The following CAMK2A variants were observed in gnomAD, a reference collection of about 807,000 sequenced individuals.
CAMK2A encodes calcium/calmodulin-dependent protein kinase type II subunit alpha.
A neutral mutation model predicts 79.2 loss-of-function variants in CAMK2A; 7 were observed. The observed-to-expected ratio is 0.09, with a 90% CI of 0.05 to 0.17. CAMK2A has a LOEUF of 0.17. Ranked by LOEUF, CAMK2A falls within the 10% of genes least tolerant of loss-of-function variation. The pLI, the probability that CAMK2A is intolerant of heterozygous loss-of-function variation, is 1.00. For missense variants in CAMK2A, 214 were observed against 646.4 expected (o/e 0.33, Z 7.25); for synonymous variants, 242 against 251.7 (o/e 0.96, Z 0.36).
chr5:150,286,567 G>A (rs1451371558), intron 1 of CAMK2A, among the ~76,000 whole-genome samples: 1 of 152,224 alleles, frequency 6.6e-6, no homozygotes, highest in East Asian at 1.9e-4. Context: ...GCCCTTTTAG[G>A]GCCAACCTGG....
At chr5:150,257,870 G>T (rs1332265872) in intron 3 of CAMK2A, among the ~76,000 whole-genome samples, 1 of 152,230 alleles carries the variant, frequency 6.6e-6, no homozygotes, top group Non-Finnish European at 1.5e-5. Flanking sequence ...AGAGTTTAGC[G>T]CCCTCCCCTC....
At chr5:150,238,621 G>T in intron 15 of CAMK2A, 79 bp downstream of exon 15, 2 of 1,349,896 alleles carry the variant, frequency 1.5e-6, no homozygotes, top group South Asian at 2.5e-5. Context: ...TGGCACGTGG[G>T]AGCTGTCAGG....
chr5:150,236,650 T>A (rs937302420), intron 15 of CAMK2A, among the ~76,000 whole-genome samples: 3 of 152,158 alleles, frequency 2.0e-5, no homozygotes, highest in African/African-American at 7.2e-5. Context: ...GCTATATCTA[T>A]CCAGTCTCCT....
chr5:150,254,957 G>A (rs961008086), intron 6 of CAMK2A, among the ~76,000 whole-genome samples: 57 of 152,238 alleles, frequency 3.7e-4, no homozygotes, highest in Non-Finnish European at 2.8e-4. Context: ...TTCCCAGTGG[G>A]ACTTCTGAAG....
chr5:150,226,692 G>C (rs1208541198), intron 17 of CAMK2A, among the ~76,000 whole-genome samples: 1 of 120,832 alleles, frequency 8.3e-6, no homozygotes, highest in Non-Finnish European at 1.7e-5. Context: ...AGCCAAGATC[G>C]TGCCACTGCA....
chr5:150,257,250 T>C (rs1489198055), intron 4 of CAMK2A, among the ~76,000 whole-genome samples: 1 of 152,086 alleles, frequency 6.6e-6, no homozygotes, highest in East Asian at 1.9e-4. Flanking sequence ...CATTATTGCT[T>C]CTCTTTGAAT....
In CAMK2A at chr5:150,281,673, C is replaced by T. The variant is rs76882946; in HGVS notation, c.62+7891G>A. Among the ~76,000 whole-genome samples the T allele has an allele frequency of 8.5e-3, 1,294 of 152,250 alleles. 16 individuals are homozygous for T. The highest frequency in any genetic ancestry group is 0.03 in the African/African-American group (1,226 of 41,528). On this transcript the variant is annotated intron_variant, in intron 1 of 18. Transcript: ENST00000671881. ...CATAGTTGGGCTTGGAGTAGGAGGA[C>T]CTGTGGAAAATAGCAGCATTCTGCG...
rs767524503 is a variant in CAMK2A, at chr5:150,221,093, C to T, written c.*1617G>A. On this transcript the variant is annotated 3_prime_UTR_variant, in exon 19 of 19. Transcript: ENST00000671881. The stretch of plus-strand genomic sequence containing the variant: ...GCACAGAGAGGCAGCAACATAATTC[C>T]GAGTCGGACACTGAGAATACAACCT... 31 of 176,538 alleles carry T rather than the reference C, an allele frequency of 1.8e-4. No homozygotes were observed. The highest frequency in any genetic ancestry group is 6.8e-4 in the African/African-American group (29 of 42,494). The allele number at this position is 176,538 out of a possible 1,614,324, so 10.9% of individuals were successfully genotyped here.
intron 15 of CAMK2A, among the ~76,000 whole-genome samples, chr5:150,234,940 T>TA (rs1755000431): frequency 1.3e-5 from 2 of 152,360 alleles, no homozygotes; most frequent in South Asian, 4.1e-4. Flanking sequence ...CCCCAGCCTC[T>TA]ATGCCTAGTC....
At chr5:150,281,419 G>A (rs1757211222) in intron 1 of CAMK2A, among the ~76,000 whole-genome samples, 1 of 152,220 alleles carries the variant, frequency 6.6e-6, no homozygotes, top group African/African-American at 2.4e-5. Flanking sequence ...AGAAAGAGCT[G>A]GGGTTGGCCA....
chr5:150,242,748 C>A (rs1755404239), intron 13 of CAMK2A, among the ~76,000 whole-genome samples: 1 of 152,206 alleles, frequency 6.6e-6, no homozygotes, highest in Non-Finnish European at 1.5e-5. Flanking sequence ...TTCAATCGTA[C>A]TGAAAATGCA....
chr5:150,253,759 A>T (rs1379085322), intron 6 of CAMK2A, among the ~76,000 whole-genome samples: 3 of 152,190 alleles, frequency 2.0e-5, no homozygotes, highest in Non-Finnish European at 4.4e-5. Flanking sequence ...CCGCTACAAC[A>T]GAAAGGCCCT....
chr5:150,270,671 G>A (rs995533653), intron 2 of CAMK2A, among the ~76,000 whole-genome samples: 5 of 152,092 alleles, frequency 3.3e-5, no homozygotes, highest in African/African-American at 7.2e-5. Context: ...CTCCCGCTGG[G>A]AAGAAAAGCG....
chr5:150,242,621 T>C (rs1241518166), intron 13 of CAMK2A, among the ~76,000 whole-genome samples: 1 of 152,136 alleles, frequency 6.6e-6, no homozygotes, highest in African/African-American at 2.4e-5. Context: ...ACCAGGCCCC[T>C]GCAAAGAACT....
chr5:150,229,264 A>G (rs1189408167), intron 16 of CAMK2A, among the ~76,000 whole-genome samples: 2 of 152,114 alleles, frequency 1.3e-5, no homozygotes, highest in African/African-American at 4.8e-5. Context: ...CATGACCCCA[A>G]ATTCTCCAGA....
intron 10 of CAMK2A, 58 bp from the exon 11 acceptor site, chr5:150,250,367 C>A: frequency 7.2e-7 from 1 of 1,397,806 alleles, no homozygotes; most frequent in Non-Finnish European, 1.0e-6. Flanking sequence ...ACAGGCCCAC[C>A]CAAGGGTACC....
At chr5:150,260,239 G>A (rs1756245341) in intron 3 of CAMK2A, among the ~76,000 whole-genome samples, 1 of 152,040 alleles carries the variant, frequency 6.6e-6, no homozygotes, top group Non-Finnish European at 1.5e-5. Flanking sequence ...GGTGGAACAC[G>A]AGGTCAGGAG....
chr5:150,228,057 C>T, intron 17 of CAMK2A, 135 bp downstream of exon 17: 1 of 663,692 alleles, frequency 1.5e-6, no homozygotes, highest in Admixed American at 2.9e-5. Context: ...GTACCAACCC[C>T]AGTCCACACG....
chr5:150,269,877 C>A (rs1756665659), intron 2 of CAMK2A, among the ~76,000 whole-genome samples: 1 of 152,202 alleles, frequency 6.6e-6, no homozygotes, highest in African/African-American at 2.4e-5. Flanking sequence ...GGCTTCCTTG[C>A]AGGGAACTGA....
Sources: allele counts gnomAD v4.1 joint callset (sites outside exome capture counted in the v4.1 genomes callset), GRCh38; gene constraint gnomAD v4.1.1; transcripts MANE v1.5; gene names NCBI Gene and HGNC (gene_info 2026-07-23, HGNC 2026-07-21).